CCDC181: variants seen among roughly 807,000 people sequenced by gnomAD.
CCDC181 encodes coiled-coil domain containing 181.
A neutral mutation model predicts 58.7 loss-of-function variants in CCDC181; 35 were observed. That is an observed-to-expected ratio of 0.60 (90% CI 0.46 to 0.79). CCDC181 has a LOEUF of 0.79. Among genes scored for constraint, CCDC181 ranks in the 30% least tolerant of loss-of-function variants. The pLI, the probability that CCDC181 is intolerant of heterozygous loss-of-function variation, is 0.00. For missense variants in CCDC181, 517 were observed against 583.9 expected (o/e 0.89, Z 1.18); for synonymous variants, 183 against 197.5 (o/e 0.93, Z 0.62).
chr1:169,417,311 G>A (rs1656257957), intron 4 of CCDC181, among the ~76,000 whole-genome samples: 1 of 152,188 alleles, frequency 6.6e-6, no homozygotes, highest in Admixed American at 6.5e-5. Context: ...TATTGCCAGG[G>A]TGGGGAGTGG....
intron 4 of CCDC181, among the ~76,000 whole-genome samples, chr1:169,415,659 G>C (rs917583454): frequency 6.6e-6 from 1 of 151,936 alleles, no homozygotes; most frequent in Non-Finnish European, 1.5e-5. Flanking sequence ...ATCCTCCTTT[G>C]ACATTTGTAT....
At chr1:169,453,136 C>G (rs1571520604) in intron 2 of CCDC181, among the ~76,000 whole-genome samples, 1 of 151,752 alleles carries the variant, frequency 6.6e-6, no homozygotes, top group Non-Finnish European at 1.5e-5. Context: ...AATATGCACT[C>G]TTTTACAGTA....
chr1:169,434,696 C>G (rs1463051820), intron 2 of CCDC181, among the ~76,000 whole-genome samples: 1 of 151,978 alleles, frequency 6.6e-6, no homozygotes, highest in Non-Finnish European at 1.5e-5. Flanking sequence ...GTATGAAAAA[C>G]CCACAGCAAA....
chr1:169,441,676 T>C (rs1472691370), intron 2 of CCDC181, among the ~76,000 whole-genome samples: 1 of 152,008 alleles, frequency 6.6e-6, no homozygotes, highest in Non-Finnish European at 1.5e-5. Context: ...GGAAGCTGGT[T>C]CTTATTCAAG....
intron 2 of CCDC181, among the ~76,000 whole-genome samples, chr1:169,441,509 G>A (rs1397086052): frequency 6.6e-6 from 1 of 151,862 alleles, no homozygotes; most frequent in African/African-American, 2.4e-5. Flanking sequence ...AGCAGTTCTA[G>A]GTACCCTCTC....
chr1:169,403,830 T>C (rs888224629), intron 4 of CCDC181, among the ~76,000 whole-genome samples: 7 of 151,992 alleles, frequency 4.6e-5, no homozygotes, highest in African/African-American at 1.4e-4. Flanking sequence ...CTGAAGGAGA[T>C]AGAGACAAAA....
chr1:169,405,743 A>G (rs1042999424), intron 4 of CCDC181, among the ~76,000 whole-genome samples: 2 of 152,242 alleles, frequency 1.3e-5, no homozygotes, highest in African/African-American at 4.8e-5. Context: ...GGCCACAGGC[A>G]TGGGCAAAGA....
chr1:169,413,983 C>A (rs904584923), intron 4 of CCDC181, among the ~76,000 whole-genome samples: 2 of 151,548 alleles, frequency 1.3e-5, no homozygotes, highest in Non-Finnish European at 2.9e-5. Flanking sequence ...CAAACCTGCA[C>A]TTTCTGCACA....
chr1:169,415,386 C>T (rs1392936064), intron 4 of CCDC181, among the ~76,000 whole-genome samples: 1 of 152,152 alleles, frequency 6.6e-6, no homozygotes, highest in African/African-American at 2.4e-5. Context: ...CTTCATAACC[C>T]TTGTTAGTTC....
In CCDC181 at chr1:169,409,904, A is replaced by G. The variant is rs888240370; in HGVS notation, c.1215+9109T>C. The stretch of plus-strand genomic sequence containing the variant: ...GAAGGAAGGACTAAATATGTAAAGG[A>G]AAAACAGATACCAACCACTGCCGAA... On this transcript the variant is annotated intron_variant, in intron 4 of 5. Transcript: ENST00000367806. Among the ~76,000 whole-genome samples, 5 of 152,208 alleles carry G rather than the reference A, an allele frequency of 3.3e-5. No individual in the cohort carries two copies. The South Asian group carries it at 1.0e-3, about 31-fold the overall frequency.
upstream of CCDC181, among the ~76,000 whole-genome samples, chr1:169,430,077 T>C (rs893001620): frequency 1.3e-5 from 2 of 152,044 alleles, no homozygotes; most frequent in South Asian, 2.1e-4. Flanking sequence ...TTCCTCACTT[T>C]ATATTTGTGT....
At chr1:169,438,860 A>G (rs978760941) in intron 2 of CCDC181, among the ~76,000 whole-genome samples, 2 of 152,208 alleles carry the variant, frequency 1.3e-5, no homozygotes, top group African/African-American at 4.8e-5. Context: ...GGTCCCCTTC[A>G]CATATACAAA....
Position 169,451,390 on chromosome 1 carries a change from C to A in CCDC181, c.-24+8407G>T, listed in dbSNP as rs149028761. On this transcript the variant is annotated intron_variant, in intron 2 of 6. Transcript: ENST00000545005. ...GGACCATTGTAAGCCACAAAGATAA[C>A]TATAGTAGCACAATTTGTAAATGGG... 463 of 152,170 alleles carry A rather than the reference C, an allele frequency of 3.0e-3. 3 individuals are homozygous for A. The highest frequency in any genetic ancestry group is 0.01 in the African/African-American group (427 of 41,530). The allele number at this position is 152,170 out of a possible 1,614,324, so 9.4% of individuals were successfully genotyped here. A position where few individuals can be genotyped will look rare whatever the true frequency, so the allele number is the denominator to read the frequency against.
At chr1:169,399,540 ACT>A (rs1311842340) in intron 4 of CCDC181, among the ~76,000 whole-genome samples, 2 of 152,196 alleles carry the variant, frequency 1.3e-5, no homozygotes, top group African/African-American at 4.8e-5. Context: ...ATAGCAAATA[ACT>A]CTCAATAGTG....
intron 2 of CCDC181, among the ~76,000 whole-genome samples, chr1:169,434,874 A>G (rs1336050857): frequency 3.3e-5 from 5 of 152,088 alleles, no homozygotes. Context: ...CCACTTATAT[A>G]AAGTGCCCAG....
chr1:169,407,992 A>C (rs1304571015), intron 4 of CCDC181, among the ~76,000 whole-genome samples: 2 of 152,182 alleles, frequency 1.3e-5, no homozygotes, highest in Non-Finnish European at 2.9e-5. Context: ...TTCAAGCACA[A>C]AACTGGGTGG....
chr1:169,457,815 A>G (rs1199020876), intron 2 of CCDC181, among the ~76,000 whole-genome samples: 1 of 152,200 alleles, frequency 6.6e-6, no homozygotes, highest in Non-Finnish European at 1.5e-5. Context: ...CAATATTCCA[A>G]GTCAACAACA....
At chr1:169,439,076 G>C (rs1657134487) in intron 2 of CCDC181, among the ~76,000 whole-genome samples, 1 of 152,140 alleles carries the variant, frequency 6.6e-6, no homozygotes, top group South Asian at 2.1e-4. Context: ...AACTGAGACA[G>C]ACACCCCACA....
chr1:169,422,037 C>T lies in CCDC181; in HGVS notation c.394G>A (p.Val132Ile), dbSNP rs767526250. Reference protein sequence around the residue: ...EVRRYIMEKIVQANKLLQNQE... With the variant: ...EVRRYIMEKIIQANKLLQNQE... ...TTCTGTAGAAGCTTGTTAGCTTGTA[C>T]AATTTTCTCCATAATATATCTCCTT... is the stretch of plus-strand genomic sequence containing the variant. The change falls in exon 3 of 6, where the codon GTA becomes ATA. Residue 132 changes from valine to isoleucine, a missense_variant. Transcript: ENST00000367806. The T allele has an allele frequency of 6.2e-7, 1 of 1,614,064 alleles. No individual in the cohort carries two copies. Among genetic ancestry groups the T allele is most frequent in the South Asian group, 1.1e-5 (1 of 91,078 alleles).
Sources: gnomAD v4.1 joint callset for allele counts (sites outside exome capture counted in the v4.1 genomes callset) on GRCh38, gnomAD v4.1.1 for gene constraint, MANE v1.5 for transcripts, NCBI Gene and HGNC (gene_info 2026-07-23, HGNC 2026-07-21) for gene names.